The following ZNF71 variants were observed in gnomAD, a reference collection of about 807,000 sequenced individuals.
ZNF71 encodes the protein endothelial zinc finger protein induced by tumor necrosis factor alpha.
A neutral mutation model predicts 6.7 loss-of-function variants in ZNF71; 3 were observed. That is an observed-to-expected ratio of 0.45 (90% CI 0.20 to 1.16). ZNF71 has a LOEUF of 1.16. ZNF71 is among the 50% of genes most tolerant of loss of function. The pLI, the probability that ZNF71 is intolerant of heterozygous loss-of-function variation, is 0.25. For missense variants in ZNF71, 688 were observed against 728.6 expected (o/e 0.94, Z 0.64); for synonymous variants, 343 against 311.1 (o/e 1.10, Z -1.08).
At position 56,621,302 on chromosome 19, in the gene ZNF71, T is replaced by G. The variant is rs759464418; in HGVS notation, c.195T>G (p.Asp65Glu). The G allele has an allele frequency of 6.6e-7, 1 of 1,521,704 alleles. No homozygotes were observed. The highest frequency in any genetic ancestry group is 8.8e-7 in the Non-Finnish European group (1 of 1,136,480). 94.3% of individuals were successfully genotyped at this position (1,521,704 alleles called of 1,614,324 possible). ...CTAGACCTGAAATGAAAGAGTTGGA[T>G]CCAAAGAATGACATTTCGGAAGACA... ...WETRPEMKEL[D>E]PKNDISEDKL... The change falls in exon 4 of 4, where the codon GAT becomes GAG. Residue 65 changes from aspartate to glutamate, a missense_variant. Physicochemically the swap from Asp to Glu is conservative, Grantham distance 45. Transcript: ENST00000599599.
rs970744317 is a variant in ZNF71, at chr19:56,606,674, C to CT, written c.33+5093dup. 8.0e-3 allele frequency among the ~76,000 whole-genome samples: 1,192 copies of CT among 149,304 alleles called. 18 individuals are homozygous for CT. The highest frequency in any genetic ancestry group is 0.025 in the African/African-American group (1,034 of 40,764). On this transcript the variant is annotated intron_variant, in intron 2 of 3. Transcript: ENST00000599599. ...GCACCGCTGAGGCCTTGGTGGGCAT[C>CT]TTTTTTTTTTCCACATGGATTTTCC...
intron 2 of ZNF71, among the ~76,000 whole-genome samples, chr19:56,606,746 A>T (rs2044713078): frequency 6.6e-6 from 1 of 151,900 alleles, no homozygotes; most frequent in Non-Finnish European, 1.5e-5. Context: ...GAGTAATGAG[A>T]CATAATGAGA....
At chr19:56,610,771 C>T (rs545795233) in intron 2 of ZNF71, among the ~76,000 whole-genome samples, 1 of 152,282 alleles carries the variant, frequency 6.6e-6, no homozygotes, top group South Asian at 2.1e-4. Context: ...GAGAGTATTT[C>T]CTTTAGAGAG....
intron 2 of ZNF71, among the ~76,000 whole-genome samples, chr19:56,607,487 C>T (rs1450848856): frequency 6.6e-6 from 1 of 152,180 alleles, no homozygotes; most frequent in Admixed American, 6.5e-5. Context: ...TGTGGTGGCC[C>T]AGGCAGACAC....
rs1438947974 is a variant in ZNF71 at position 56,623,305 on chromosome 19, G to A, written c.*548G>A. The stretch of plus-strand genomic sequence containing the variant: ...AGCTAGGAAGTGGCAGGAGTTTGCC[G>A]GTTGTTTGTGAGGGGAAAAATTTTT... On this transcript the variant is annotated 3_prime_UTR_variant, in exon 4 of 4. Coordinates refer to ENST00000599599, the MANE Select transcript of ZNF71 (RefSeq NM_001370215.1). The A allele has an allele frequency of 9.3e-4, 157 of 168,564 alleles. 3 individuals carry two copies. In the Admixed American group the frequency reaches 9.5e-3, roughly 10 times the overall value. 10.4% of individuals were successfully genotyped at this position (168,564 alleles called of 1,614,324 possible).
At chr19:56,621,169 T>A in intron 3 of ZNF71, 99 bp from the exon 4 acceptor site, 1 of 1,226,912 alleles carries the variant, frequency 8.2e-7, no homozygotes, top group South Asian at 1.6e-5. Context: ...TTGGGCCTCA[T>A]TGGGGTCGGT....
At position 56,618,751 on chromosome 19, in the gene ZNF71, T is replaced by A. The variant is rs1422548302; in HGVS notation, c.161-2517T>A. On this transcript the variant is annotated intron_variant, in intron 3 of 3. Transcript: ENST00000599599. This position sits in a 1 kb window ranked among gnomAD's most constrained non-coding sequence, Gnocchi z 4.6. The stretch of plus-strand genomic sequence containing the variant: ...GAGGGAGAGCATGGTGATGAGAAAC[T>A]GGGAGGGAGGGTGGGCAGGGGACGA... 1.1e-4 allele frequency among the ~76,000 whole-genome samples: 1 copy of A among 9,332 alleles called. No individual in the cohort carries two copies. The highest frequency in any genetic ancestry group is 1.3e-3 in the East Asian group (1 of 760). The allele number at this position is 9,332 out of a possible 152,430, so 6.1% of individuals were successfully genotyped here. A position where few individuals can be genotyped will look rare whatever the true frequency, so the allele number is the denominator to read the frequency against.
At chr19:56,608,665 G>C (rs185685106) in intron 2 of ZNF71, among the ~76,000 whole-genome samples, 2 of 152,094 alleles carry the variant, frequency 1.3e-5, no homozygotes, top group Non-Finnish European at 2.9e-5. Flanking sequence ...GGCTACATAA[G>C]GCTGTGGATA....
Position 56,613,351 on chromosome 19 carries a change from G to A in ZNF71, c.34-461G>A, listed in dbSNP as rs141815292. 1.1e-3 allele frequency among the ~76,000 whole-genome samples: 163 copies of A among 152,304 alleles called. 1 individual carries two copies. The highest frequency in any genetic ancestry group is 3.6e-3 in the African/African-American group (149 of 41,562). On this transcript the variant is annotated intron_variant, in intron 2 of 3. Coordinates refer to ENST00000599599, the MANE Select transcript of ZNF71 (RefSeq NM_001370215.1). This position sits in a 1 kb window ranked among gnomAD's most constrained non-coding sequence, Gnocchi z 4.6. ...TGATTGATTGCGTTTACCAAATTAC[G>A]TGTCTTTGTCTGCCTCTGCCATGAG...
At chr19:56,605,288 T>C (rs1017743487) in intron 2 of ZNF71, among the ~76,000 whole-genome samples, 2 of 151,600 alleles carry the variant, frequency 1.3e-5, no homozygotes, top group Non-Finnish European at 3.0e-5. Context: ...TAGGACACAA[T>C]AGGTCTCTCA....
At position 56,613,935 on chromosome 19, in the gene ZNF71, C is replaced by T. The variant is rs530295230; in HGVS notation, c.157C>T (p.Leu53=). Residue 53 remains leucine, a synonymous_variant, in exon 3 of 4, where the codon CTG becomes TTG. Transcript: ENST00000599599. This position sits in a 1 kb window ranked among gnomAD's most constrained non-coding sequence, Gnocchi z 4.6. The stretch of plus-strand genomic sequence containing the variant: ...GGAGAACTACAGGAACCTGGTCTCA[C>T]TGGGTAAGGGGCAGCTTCGTTGAGT... ...MLENYRNLVS[L]DWETRPEMKE... is the part of the protein sequence containing the mutation. 4.2e-4 allele frequency: 454 copies of T among 1,071,682 alleles called. 4 individuals are homozygous for T. The South Asian group carries it at 0.014, about 34-fold the overall frequency. 66.4% of individuals were successfully genotyped at this position (1,071,682 alleles called of 1,614,324 possible).
In ZNF71 at chr19:56,623,028, G is replaced by C. The variant is rs2044877845; in HGVS notation, c.*271G>C. 1 of 526,602 alleles carries C rather than the reference G, an allele frequency of 1.9e-6. No homozygotes were observed. Among genetic ancestry groups the C allele is most frequent in the Non-Finnish European group, 3.4e-6 (1 of 289,954 alleles). The allele number at this position is 526,602 out of a possible 1,614,324, so 32.6% of individuals were successfully genotyped here. On this transcript the variant is annotated 3_prime_UTR_variant, in exon 4 of 4. Transcript: ENST00000599599. The stretch of plus-strand genomic sequence containing the variant: ...ATGGCCGCTGGTAACAGACATCAGG[G>C]TTCCAGACTAGCCCTCTTGAGTAAC...
intron 3 of ZNF71, among the ~76,000 whole-genome samples, chr19:56,619,165 G>C (rs1403908244): frequency 1.3e-5 from 2 of 152,090 alleles, no homozygotes; most frequent in Non-Finnish European, 2.9e-5. Context: ...AATATATAGA[G>C]AACATAAAAT....
At chr19:56,617,019 G>A (rs1411784963) in intron 3 of ZNF71, among the ~76,000 whole-genome samples, 2 of 152,128 alleles carry the variant, frequency 1.3e-5, no homozygotes, top group African/African-American at 4.8e-5. Flanking sequence ...AAAAATGTGT[G>A]TGTGCATGTA....
chr19:56,622,895 G>A lies in ZNF71; in HGVS notation c.*138G>A, dbSNP rs2044876328. On this transcript the variant is annotated 3_prime_UTR_variant, in exon 4 of 4. Coordinates refer to ENST00000599599, the MANE Select transcript of ZNF71 (RefSeq NM_001370215.1). ...GGGGAGCTCAGGAATGTGGGGTTGTGGAGGGGCTGGCTGATCACACATGCC... is the reference window on the plus strand; with the variant it reads ...GGGGAGCTCAGGAATGTGGGGTTGTAGAGGGGCTGGCTGATCACACATGCC... 1.7e-6 allele frequency: 2 copies of A among 1,168,286 alleles called. No individual in the cohort carries two copies. Among genetic ancestry groups the A allele is most frequent in the African/African-American group, 1.6e-5 (1 of 64,260 alleles). The allele number at this position is 1,168,286 out of a possible 1,614,324, so 72.4% of individuals were successfully genotyped here. A position where few individuals can be genotyped will look rare whatever the true frequency, so the allele number is the denominator to read the frequency against.
intron 1 of ZNF71, among the ~76,000 whole-genome samples, chr19:56,599,696 GT>G (rs199608642): frequency 0.14 from 18,809 of 133,044 alleles, 1,293 homozygotes; most frequent in East Asian, 0.3. Context: ...TTAGTGTTTT[GT>G]TTTTTTTTTT....
At chr19:56,617,113 T>G (rs910282184) in intron 3 of ZNF71, among the ~76,000 whole-genome samples, 4 of 93,134 alleles carry the variant, frequency 4.3e-5, no homozygotes, top group African/African-American at 2.1e-4. Flanking sequence ...TTTTCTTTTG[T>G]TTTTTTTTGT....
Position 56,614,056 on chromosome 19 carries a change from C to T in ZNF71, c.160+118C>T, listed in dbSNP as rs2044772056. 5.9e-6 allele frequency: 5 copies of T among 846,916 alleles called. No homozygotes were observed. In the South Asian group the frequency reaches 1.5e-4, roughly 26 times the overall value. The allele number at this position is 846,916 out of a possible 1,614,324, so 52.5% of individuals were successfully genotyped here. On this transcript the variant is annotated intron_variant, in intron 3 of 3. Transcript: ENST00000599599. ...TACATGGAAAGTTTTAAAATTTGCTCTACTTGAAGCTAAAAATAAAGTTGA... is the reference window on the plus strand; with the variant it reads ...TACATGGAAAGTTTTAAAATTTGCTTTACTTGAAGCTAAAAATAAAGTTGA...
intron 2 of ZNF71, among the ~76,000 whole-genome samples, chr19:56,604,607 A>G (rs750649896): frequency 6.7e-4 from 102 of 152,198 alleles, no homozygotes; most frequent in Non-Finnish European, 1.2e-3. Context: ...AGAGAAAGAC[A>G]GTTGTCCAAG....
Sources: gnomAD v4.1 joint callset for allele counts (sites outside exome capture counted in the v4.1 genomes callset) on GRCh38, gnomAD v4.1.1 for gene constraint, Gnocchi (gnomAD v3.1) non-coding constraint, MANE v1.5 for transcripts, NCBI Gene and HGNC (gene_info 2026-07-23, HGNC 2026-07-21) for gene names.